The following TRIM33 variants were observed in gnomAD, a reference collection of about 807,000 sequenced individuals.
The protein encoded by TRIM33 is E3 ubiquitin-protein ligase TRIM33.
TRIM33 carries 20 observed loss-of-function variants against 125.4 expected under a neutral mutation model. The observed-to-expected ratio is 0.16, with a 90% confidence interval of 0.11 to 0.23. The LOEUF is 0.23. TRIM33 is among the 10% of genes least tolerant of loss of function. The pLI, the probability that TRIM33 is intolerant of heterozygous loss-of-function variation, is 1.00. For missense variants in TRIM33, 920 were observed against 1,411.4 expected, an observed-to-expected ratio of 0.65 and a Z score of 5.58; for synonymous variants, 564 against 513.9, an observed-to-expected ratio of 1.10 and a Z score of -1.32.
At chr1:114,432,185 C>T (rs934389357) in intron 5 of TRIM33, among the ~76,000 whole-genome samples, 1 of 152,054 alleles carries the variant, frequency 6.6e-6, no homozygotes, top group Non-Finnish European at 1.5e-5. Context: ...AAACCTCTTG[C>T]CCTACTTTTG....
intron 1 of TRIM33, among the ~76,000 whole-genome samples, chr1:114,473,109 T>G (rs1650749165): frequency 6.6e-6 from 1 of 151,706 alleles, no homozygotes; most frequent in Non-Finnish European, 1.5e-5. Flanking sequence ...ACAAAAAAAT[T>G]GGCTGGGTGT....
chr1:114,419,385 G>A (rs1415093416), intron 11 of TRIM33, among the ~76,000 whole-genome samples: 1 of 152,058 alleles, frequency 6.6e-6, no homozygotes, highest in African/African-American at 2.4e-5. Flanking sequence ...GATTTTGTTT[G>A]TGTGGTGGGC....
chr1:114,413,628 T>TAAAA lies in TRIM33; in HGVS notation c.2062-3316_2062-3313dup, dbSNP rs34538412. Among the ~76,000 whole-genome samples the TAAAA allele has an allele frequency of 5.1e-3, 260 of 50,842 alleles. 3 individuals carry two copies. The highest frequency in any genetic ancestry group is 9.9e-3 in the African/African-American group (117 of 11,840). 33.4% of individuals were successfully genotyped at this position (50,842 alleles called of 152,430 possible). ...AAGAAAAAGTCCAAAAGCAAAACTG[T>TAAAA]AAAAAAAAAAAAAAAAAAAAAAAAG... On this transcript the variant is annotated intron_variant, in intron 11 of 19. Coordinates refer to ENST00000358465, the MANE Select transcript of TRIM33 (RefSeq NM_015906.4).
chr1:114,409,959 A>G (rs1652475237), intron 12 of TRIM33, among the ~76,000 whole-genome samples: 1 of 152,076 alleles, frequency 6.6e-6, no homozygotes, highest in South Asian at 2.1e-4. Flanking sequence ...TTTTGTCTCA[A>G]GACTGTAACA....
In TRIM33 at chr1:114,511,166, G is replaced by C; in HGVS notation, c.-90C>G. 2 of 1,036,702 alleles carry C rather than the reference G, an allele frequency of 1.9e-6. No individual in the cohort carries two copies. The highest frequency in any genetic ancestry group is 4.4e-5 in the South Asian group (1 of 22,520). The allele number at this position is 1,036,702 out of a possible 1,614,324, so 64.2% of individuals were successfully genotyped here. A position where few individuals can be genotyped will look rare whatever the true frequency, so the allele number is the denominator to read the frequency against. ...GCCCCCAGCCCCAGCCGCAGCCGCA[G>C]CAAGAGCGGCAGCCGAGAGCTAGCG... On this transcript the variant is annotated 5_prime_UTR_variant, in exon 1 of 20. Coordinates refer to ENST00000358465, the MANE Select transcript of TRIM33 (RefSeq NM_015906.4).
At chr1:114,495,831 T>C (rs1345524705) in intron 1 of TRIM33, among the ~76,000 whole-genome samples, 2 of 152,220 alleles carry the variant, frequency 1.3e-5, no homozygotes, top group Non-Finnish European at 2.9e-5. Flanking sequence ...ATTTCAGCTA[T>C]GACTAATTCT....
chr1:114,459,313 G>C (rs1013201578), intron 4 of TRIM33, among the ~76,000 whole-genome samples: 1 of 152,058 alleles, frequency 6.6e-6, no homozygotes, highest in Admixed American at 6.6e-5. Flanking sequence ...CCTAAATAAT[G>C]AATCTCCATA....
At chr1:114,473,383 T>A (rs1450853383) in intron 1 of TRIM33, among the ~76,000 whole-genome samples, 1 of 152,136 alleles carries the variant, frequency 6.6e-6, no homozygotes, top group Non-Finnish European at 1.5e-5. Flanking sequence ...GGGTTCTTAT[T>A]CCTGACGCAC....
chr1:114,484,207 T>C (rs574078113), intron 1 of TRIM33, among the ~76,000 whole-genome samples: 329 of 152,344 alleles, frequency 2.2e-3, no homozygotes, highest in Non-Finnish European at 3.7e-3. Flanking sequence ...AAAGATGAGA[T>C]AGTCAGCATT....
chr1:114,477,754 G>A (rs1288017678), intron 1 of TRIM33, among the ~76,000 whole-genome samples: 1 of 152,156 alleles, frequency 6.6e-6, no homozygotes, highest in Non-Finnish European at 1.5e-5. Flanking sequence ...ACTGGCCACT[G>A]AGCACTTGCA....
At chr1:114,410,136 CTG>C (rs1557846879) in intron 12 of TRIM33, 46 bp downstream of exon 12, 1 of 1,607,444 alleles carries the variant, frequency 6.2e-7, no homozygotes, top group South Asian at 1.1e-5. Flanking sequence ...GATACTGACA[CTG>C]TTTTTTTAAG....
At chr1:114,411,060 G>T (rs181799766) in intron 11 of TRIM33, among the ~76,000 whole-genome samples, 1 of 152,144 alleles carries the variant, frequency 6.6e-6, no homozygotes, top group Admixed American at 6.5e-5. Flanking sequence ...TTATTTTTGA[G>T]ACAGGGTCTG....
At chr1:114,426,288 C>T (rs1023880140) in intron 8 of TRIM33, among the ~76,000 whole-genome samples, 13 of 152,132 alleles carry the variant, frequency 8.5e-5, no homozygotes, top group African/African-American at 2.9e-4. Flanking sequence ...CACAGGTTGA[C>T]AGGCTTTCCC....
At chr1:114,423,604 T>C (rs1647343568) in intron 10 of TRIM33, among the ~76,000 whole-genome samples, 1 of 152,016 alleles carries the variant, frequency 6.6e-6, no homozygotes, top group African/African-American at 2.4e-5. Context: ...CTTGCTATGT[T>C]GCCCAGGCTG....
chr1:114,434,911 A>C (rs985146237), intron 4 of TRIM33, among the ~76,000 whole-genome samples: 6 of 152,226 alleles, frequency 3.9e-5, no homozygotes, highest in African/African-American at 1.2e-4. Context: ...CAATATGGCC[A>C]AATAAAAATA....
intron 4 of TRIM33, among the ~76,000 whole-genome samples, chr1:114,461,238 A>T (rs1305054201): frequency 6.8e-6 from 1 of 146,162 alleles, no homozygotes; most frequent in Non-Finnish European, 1.5e-5. Flanking sequence ...ATATATATAC[A>T]TATATTTATA....
Position 114,471,355 on chromosome 1 carries a change from T to C in TRIM33, c.527-6967A>G, listed in dbSNP as rs1355724368. Among the ~76,000 whole-genome samples, 6 of 151,494 alleles carry C rather than the reference T, an allele frequency of 4.0e-5. No homozygotes were observed. The South Asian group carries it at 1.0e-3, about 26-fold the overall frequency. ...ACTCGGGAGGCTGAGGCAGGAGAACTGCTTGAACCCAGGAGGCGGAGACTG... is the reference window on the plus strand; with the variant it reads ...ACTCGGGAGGCTGAGGCAGGAGAACCGCTTGAACCCAGGAGGCGGAGACTG... On this transcript the variant is annotated intron_variant, in intron 1 of 19. Coordinates refer to ENST00000358465, the MANE Select transcript of TRIM33 (RefSeq NM_015906.4).
intron 1 of TRIM33, among the ~76,000 whole-genome samples, chr1:114,480,454 A>C (rs1345530311): frequency 1.3e-5 from 2 of 149,428 alleles, no homozygotes; most frequent in Admixed American, 6.7e-5. Context: ...CCTCTGCGAG[A>C]AACACCCAAG....
intron 16 of TRIM33, among the ~76,000 whole-genome samples, chr1:114,402,101 G>A (rs919577345): frequency 3.3e-5 from 5 of 152,044 alleles, no homozygotes; most frequent in African/African-American, 1.2e-4. Flanking sequence ...ATGACCACAC[G>A]ACAATGCAAA....
Sources: allele counts gnomAD v4.1 joint callset (sites outside exome capture counted in the v4.1 genomes callset), GRCh38; gene constraint gnomAD v4.1.1; transcripts MANE v1.5; gene names NCBI Gene and HGNC (gene_info 2026-07-23, HGNC 2026-07-21).